The following C12orf42 variants were observed in gnomAD, a reference collection of about 807,000 sequenced individuals.
The protein encoded by C12orf42 is uncharacterized protein C12orf42.
In C12orf42, 25 loss-of-function variants were observed where a neutral mutation model predicts 21.6. The ratio of observed to expected loss-of-function variants is 1.16; its 90% CI spans 0.84 to 1.62. The LOEUF (loss-of-function observed/expected upper bound fraction) is 1.62, where lower values mean the gene tolerates loss of function less well. Ranked by LOEUF, C12orf42 falls within the 40% of genes most tolerant of loss-of-function variation. The probability of loss-of-function intolerance (pLI) is 0.00; values close to 1 mark genes in which losing one functional copy is unlikely to be tolerated. For synonymous variants in C12orf42, 174 were observed against 175.0 expected, an observed-to-expected ratio of 0.99 and a Z score of 0.05; for missense variants, 483 against 459.3, an observed-to-expected ratio of 1.05 and a Z score of -0.47.
At chr12:103,478,561 T>A (rs1421441870) in intron 1 of C12orf42, 114 bp from the exon 2 acceptor site, 9 of 479,656 alleles carry the variant, frequency 1.9e-5, no homozygotes, top group Non-Finnish European at 3.2e-5. Flanking sequence ...AACATAGTAT[T>A]TCTTGCCAGT....
In C12orf42 at chr12:103,277,254, T is replaced by C. The variant is rs150137341; in HGVS notation, n.338-44A>G. ...TGGAAAGGGGGATAGAAAGAATAACTGTATATTAATTCAAAAATTATAATA... is the reference window on the plus strand; with the variant it reads ...TGGAAAGGGGGATAGAAAGAATAACCGTATATTAATTCAAAAATTATAATA... On this transcript the variant is annotated intron_variant and non_coding_transcript_variant, in intron 4 of 6. Coordinates refer to the C12orf42 transcript ENST00000546526. 389 of 395,390 alleles carry C rather than the reference T, an allele frequency of 9.8e-4. 2 individuals carry two copies. The highest frequency in any genetic ancestry group is 7.7e-3 in the African/African-American group (364 of 47,504). The allele number at this position is 395,390 out of a possible 1,614,324, so 24.5% of individuals were successfully genotyped here.
intron 4 of C12orf42, among the ~76,000 whole-genome samples, chr12:103,353,831 C>T (rs990759362): frequency 3.9e-5 from 6 of 152,134 alleles, no homozygotes; most frequent in African/African-American, 9.7e-5. Flanking sequence ...CAGCCCTTCA[C>T]GAGGGTGAGC....
At chr12:103,194,163 G>A in the C12orf42 span, among the ~76,000 whole-genome samples, 15 of 151,384 alleles carry the variant, frequency 9.9e-5, no homozygotes, top group Non-Finnish European at 1.6e-4. Context: ...CAGATATGAA[G>A]AAACTTACCT....
chr12:103,505,043 G>T, the C12orf42 span: 1 of 288,144 alleles, frequency 3.5e-6, no homozygotes, highest in Non-Finnish European at 7.6e-6. Context: ...CTAGCGGATG[G>T]AGTGGGAAGT....
At chr12:103,051,627 G>A in the C12orf42 span, among the ~76,000 whole-genome samples, 1 of 152,218 alleles carries the variant, frequency 6.6e-6, no homozygotes, top group East Asian at 1.9e-4. Flanking sequence ...CCGCATTTAT[G>A]TGAATAGGCC....
At chr12:103,179,501 G>T in the C12orf42 span, among the ~76,000 whole-genome samples, 1 of 152,132 alleles carries the variant, frequency 6.6e-6, no homozygotes, top group Non-Finnish European at 1.5e-5. Context: ...ATAAAATGGT[G>T]GGATTAGCAG....
intron 3 of C12orf42, among the ~76,000 whole-genome samples, chr12:103,374,205 C>G (rs1437609401): frequency 1.3e-5 from 2 of 152,126 alleles, no homozygotes; most frequent in Non-Finnish European, 2.9e-5. Flanking sequence ...TTTTCATTTC[C>G]CTACATACTT....
At chr12:103,135,378 A>G in the C12orf42 span, among the ~76,000 whole-genome samples, 1 of 152,070 alleles carries the variant, frequency 6.6e-6, no homozygotes, top group African/African-American at 2.4e-5. Context: ...GGATGGCTTC[A>G]GCCCCAAAGC....
chr12:103,177,325 T>C, the C12orf42 span, among the ~76,000 whole-genome samples: 1 of 152,098 alleles, frequency 6.6e-6, no homozygotes, highest in Non-Finnish European at 1.5e-5. Flanking sequence ...AAGAACAAAA[T>C]GCTCTCCACA....
chr12:103,297,431 T>A (rs2037367445), downstream of C12orf42, among the ~76,000 whole-genome samples: 2 of 152,146 alleles, frequency 1.3e-5, no homozygotes, highest in South Asian at 4.1e-4. Context: ...AATAGACCAA[T>A]AACAGGATCT....
At chr12:103,172,538 G>A in the C12orf42 span, among the ~76,000 whole-genome samples, 1 of 152,000 alleles carries the variant, frequency 6.6e-6, no homozygotes, top group Non-Finnish European at 1.5e-5. Flanking sequence ...TATGGATGAG[G>A]AAACAGGGTC....
chr12:103,187,702 A>G, the C12orf42 span, among the ~76,000 whole-genome samples: 2 of 152,214 alleles, frequency 1.3e-5, no homozygotes, highest in South Asian at 4.1e-4. Context: ...CTAAGTTAAA[A>G]AAAAGGCTGG....
chr12:103,493,008 T>C (rs1955278959), intron 1 of C12orf42, among the ~76,000 whole-genome samples: 1 of 152,196 alleles, frequency 6.6e-6, no homozygotes, highest in South Asian at 2.1e-4. Flanking sequence ...TAACACTACC[T>C]TAATCCAGGA....
the C12orf42 span, among the ~76,000 whole-genome samples, chr12:103,180,615 C>CTTT: frequency 4.0e-4 from 25 of 61,996 alleles, 1 homozygote; most frequent in African/African-American, 1.2e-3. Context: ...AAATAATTTC[C>CTTT]TTTTTTTTTT....
chr12:103,415,790 C>T (rs141393650), intron 2 of C12orf42, among the ~76,000 whole-genome samples: 313 of 152,218 alleles, frequency 2.1e-3, no homozygotes, highest in African/African-American at 7.1e-3. Flanking sequence ...GGACAGAACA[C>T]AATAGTCACC....
intron 10 of C12orf42, chr12:103,262,588 A>G (rs2034951114): frequency 6.6e-6 from 1 of 152,168 alleles, no homozygotes. Context: ...ATAAACATAT[A>G]TGCATGTATA....
chr12:103,547,773 A>T, the C12orf42 span: 2 of 152,226 alleles, frequency 1.3e-5, no homozygotes, highest in Non-Finnish European at 2.9e-5. Flanking sequence ...ATGAAATAAG[A>T]TTTGCACACT....
the C12orf42 span, among the ~76,000 whole-genome samples, chr12:103,092,031 T>C: frequency 6.6e-6 from 1 of 152,144 alleles, no homozygotes; most frequent in Non-Finnish European, 1.5e-5. Flanking sequence ...GATCAATATA[T>C]GGGGAAAAGC....
the C12orf42 span, among the ~76,000 whole-genome samples, chr12:103,224,295 C>T: frequency 5.9e-5 from 9 of 152,242 alleles, no homozygotes; most frequent in African/African-American, 2.2e-4. Context: ...AGATGGAACA[C>T]TGAGAAGTTA....
Sources: allele counts gnomAD v4.1 joint callset (sites outside exome capture counted in the v4.1 genomes callset), GRCh38; gene constraint gnomAD v4.1.1; transcripts MANE v1.5; gene names NCBI Gene and HGNC (gene_info 2026-07-23, HGNC 2026-07-21).